Variants in EPHB1 observed in about 807,000 individuals in gnomAD.
The protein encoded by EPHB1 is EPH receptor B1.
A neutral mutation model predicts 94.4 loss-of-function variants in EPHB1; 30 were observed. That is an observed-to-expected ratio of 0.32 (90% CI 0.24 to 0.43). The LOEUF (loss-of-function observed/expected upper bound fraction) is 0.43. EPHB1 is among the 20% of genes least tolerant of loss of function. EPHB1 has a pLI of 1.00. For missense variants in EPHB1, 1,055 were observed against 1,308.3 expected, an observed-to-expected ratio of 0.81 and a Z score of 2.99; for synonymous variants, 522 against 489.1, an observed-to-expected ratio of 1.07 and a Z score of -0.89.
At chr3:135,002,697 G>A (rs1210788276) in intron 3 of EPHB1, among the ~76,000 whole-genome samples, 2 of 152,172 alleles carry the variant, frequency 1.3e-5, no homozygotes. Flanking sequence ...GAGAGTGTAT[G>A]TGTGAAGGAA....
At chr3:135,142,097 T>C (rs1940849853) in intron 5 of EPHB1, among the ~76,000 whole-genome samples, 1 of 152,168 alleles carries the variant, frequency 6.6e-6, no homozygotes, top group African/African-American at 2.4e-5. Flanking sequence ...AGGATATTAC[T>C]TATGCAGTTG....
At chr3:135,170,694 A>C (rs1258771739) in intron 9 of EPHB1, among the ~76,000 whole-genome samples, 1 of 152,146 alleles carries the variant, frequency 6.6e-6, no homozygotes, top group African/African-American at 2.4e-5. Context: ...ATCTATCTTG[A>C]AAAAAGTTCC....
In EPHB1 at chr3:134,843,420, T is replaced by A. The variant is rs1248560758; in HGVS notation, c.58+47731T>A. On this transcript the variant is annotated intron_variant, in intron 1 of 15. Coordinates refer to ENST00000398015, the MANE Select transcript of EPHB1 (RefSeq NM_004441.5). Reference sequence around the variant, plus strand: ...ATTTTTGGACTTGTGCAGATTGATGTTTCTCATTAAATTTGAACTGTTTTA... The same window carrying A: ...ATTTTTGGACTTGTGCAGATTGATGATTCTCATTAAATTTGAACTGTTTTA... 1.3e-5 allele frequency among the ~76,000 whole-genome samples: 2 copies of A among 152,204 alleles called. 1 individual carries two copies. The highest frequency in any genetic ancestry group is 1.3e-4 in the Admixed American group (2 of 15,282).
At chr3:135,232,445 C>T (rs954361140) in intron 12 of EPHB1, among the ~76,000 whole-genome samples, 2 of 152,186 alleles carry the variant, frequency 1.3e-5, no homozygotes, top group Non-Finnish European at 2.9e-5. Context: ...GTGCTATACC[C>T]AGGCTGGTCA....
At chr3:135,059,097 A>G (rs992484767) in intron 3 of EPHB1, among the ~76,000 whole-genome samples, 7 of 152,260 alleles carry the variant, frequency 4.6e-5, no homozygotes, top group South Asian at 2.1e-4. Flanking sequence ...TGTGTCTTCT[A>G]TGTACAGCAT....
chr3:134,859,381 A>G (rs542839668), intron 1 of EPHB1, among the ~76,000 whole-genome samples: 4 of 152,280 alleles, frequency 2.6e-5, no homozygotes, highest in South Asian at 2.1e-4. Flanking sequence ...ATCCTGCTGG[A>G]TGTTAACTTG....
At chr3:135,129,281 C>T (rs1412369282) in intron 4 of EPHB1, among the ~76,000 whole-genome samples, 5 of 152,116 alleles carry the variant, frequency 3.3e-5, no homozygotes, top group East Asian at 1.9e-4. Flanking sequence ...GGAGCAGCAT[C>T]GACAAGGGTG....
chr3:134,799,753 A>G (rs1377247638), intron 1 of EPHB1, among the ~76,000 whole-genome samples: 1 of 152,200 alleles, frequency 6.6e-6, no homozygotes, highest in African/African-American at 2.4e-5. Flanking sequence ...CAGAGCCCCT[A>G]CTTTGTTTTT....
intron 3 of EPHB1, among the ~76,000 whole-genome samples, chr3:135,086,144 G>A (rs1938352545): frequency 6.6e-6 from 1 of 152,128 alleles, no homozygotes; most frequent in Admixed American, 6.5e-5. Flanking sequence ...AGACAGATAT[G>A]TGGGGGGTGG....
intron 10 of EPHB1, among the ~76,000 whole-genome samples, chr3:135,182,416 C>T (rs1411192349): frequency 6.6e-6 from 1 of 152,168 alleles, no homozygotes. Context: ...CTCTCTCCCT[C>T]CTCTTCTTCC....
chr3:135,234,019 G>A (rs994791807), intron 12 of EPHB1, among the ~76,000 whole-genome samples: 2 of 152,200 alleles, frequency 1.3e-5, no homozygotes, highest in Non-Finnish European at 2.9e-5. Context: ...AGGGACTGTG[G>A]TGAAGGTCTC....
chr3:134,826,202 A>AGATTGTGCC, intron 1 of EPHB1, among the ~76,000 whole-genome samples: 2 of 143,756 alleles, frequency 1.4e-5, no homozygotes, highest in Admixed American at 1.4e-4. Flanking sequence ...CAGTGAGCTG[A>AGATTGTGCC]GATTGTGCCA....
intron 3 of EPHB1, among the ~76,000 whole-genome samples, chr3:135,014,560 A>G (rs1016381904): frequency 6.6e-6 from 1 of 152,208 alleles, no homozygotes. Flanking sequence ...GTTTAATTTT[A>G]ATGCAGCAAA....
chr3:135,097,785 T>C (rs1158411248), intron 3 of EPHB1, among the ~76,000 whole-genome samples: 1 of 152,212 alleles, frequency 6.6e-6, no homozygotes, highest in Non-Finnish European at 1.5e-5. Flanking sequence ...AACTGGAGAC[T>C]CATTTGGCTC....
At chr3:135,215,352 AG>A (rs1305429702) in intron 12 of EPHB1, among the ~76,000 whole-genome samples, 1 of 151,986 alleles carries the variant, frequency 6.6e-6, no homozygotes, top group Non-Finnish European at 1.5e-5. Flanking sequence ...TAGTAGAGAC[AG>A]GGTTTCTCCA....
intron 10 of EPHB1, among the ~76,000 whole-genome samples, chr3:135,182,471 C>T (rs1376840660): frequency 1.3e-5 from 2 of 152,054 alleles, no homozygotes; most frequent in African/African-American, 4.8e-5. Context: ...ATGTGGAGTT[C>T]CAGAGGCGAA....
At chr3:135,006,662 T>C (rs1203775929) in intron 3 of EPHB1, among the ~76,000 whole-genome samples, 1 of 152,204 alleles carries the variant, frequency 6.6e-6, no homozygotes, top group Admixed American at 6.5e-5. Flanking sequence ...AGACACTGTT[T>C]CTAAAAAGAG....
At chr3:134,939,441 T>TA (rs2039074570) in intron 2 of EPHB1, among the ~76,000 whole-genome samples, 3 of 152,072 alleles carry the variant, frequency 2.0e-5, no homozygotes, top group African/African-American at 7.2e-5. Flanking sequence ...TCAAGCATAT[T>TA]GGAAGGTAAG....
At chr3:135,102,611 G>A (rs1939072956) in intron 3 of EPHB1, among the ~76,000 whole-genome samples, 2 of 152,124 alleles carry the variant, frequency 1.3e-5, no homozygotes, top group African/African-American at 4.8e-5. Flanking sequence ...CAATGTAAAA[G>A]TTTAATAAAT....
Sources: allele counts gnomAD v4.1 joint callset (sites outside exome capture counted in the v4.1 genomes callset), GRCh38; gene constraint gnomAD v4.1.1; transcripts MANE v1.5; gene names NCBI Gene and HGNC (gene_info 2026-07-23, HGNC 2026-07-21).